ACSF3: variants seen among roughly 807,000 people sequenced by gnomAD.
The protein encoded by ACSF3 is acyl-CoA synthetase family member 3.
In ACSF3, 78 loss-of-function variants were observed where a neutral mutation model predicts 53.2. The ratio of observed to expected loss-of-function variants is 1.47; its 90% CI spans 1.22 to 1.77. The LOEUF (loss-of-function observed/expected upper bound fraction) is 1.77. Ranked by LOEUF, ACSF3 falls within the 40% of genes most tolerant of loss-of-function variation. The pLI is 0.00. For missense variants in ACSF3, 937 were observed against 771.1 expected (o/e 1.22, Z -2.55); for synonymous variants, 414 against 333.1 (o/e 1.24, Z -2.65).
At chr16:89,096,644 A>T (rs74872979) in intron 1 of ACSF3, among the ~76,000 whole-genome samples, 1 of 152,152 alleles carries the variant, frequency 6.6e-6, no homozygotes, top group Admixed American at 6.5e-5. Flanking sequence ...GTATTTCTCA[A>T]AATTAAAGAT....
intron 4 of ACSF3, 138 bp downstream of exon 4, chr16:89,102,897 C>G (rs1555561996): frequency 4.0e-6 from 5 of 1,252,828 alleles, no homozygotes; most frequent in Non-Finnish European, 5.6e-6. Flanking sequence ...CGCCCTCAGA[C>G]TAGGCATCTT....
At chr16:89,111,559 TC>T (rs2151442146) in intron 4 of ACSF3, among the ~76,000 whole-genome samples, 1 of 152,366 alleles carries the variant, frequency 6.6e-6, no homozygotes, top group South Asian at 2.1e-4. Context: ...CACCAGCTCT[TC>T]CTGAAGCTTT....
At chr16:89,151,615 T>A in intron 10 of ACSF3, 1 of 185,052 alleles carries the variant, frequency 5.4e-6, no homozygotes, top group Non-Finnish European at 1.1e-5. Flanking sequence ...CCATATATTT[T>A]TTTTTTTTTT....
chr16:89,145,072 C>G (rs11076771), intron 8 of ACSF3, 195 bp from the exon 9 acceptor site: 11 of 1,475,980 alleles, frequency 7.5e-6, no homozygotes, highest in Non-Finnish European at 1.0e-5. Flanking sequence ...GGACGCACGT[C>G]GTGACCACCA....
chr16:89,093,954 G>A lies in ACSF3; in HGVS notation c.-236G>A, dbSNP rs1974307293. The A allele has an allele frequency of 6.2e-6, 2 of 322,518 alleles. No individual in the cohort carries two copies. The highest frequency in any genetic ancestry group is 2.2e-5 in the African/African-American group (1 of 44,740). The allele number at this position is 322,518 out of a possible 1,614,324, so 20.0% of individuals were successfully genotyped here. ...GCGCGGCGGAGGACGAGGAAGAGTTGTGGCGAGGCAGATCCTGCCCCGTGG... is the reference window on the plus strand; with the variant it reads ...GCGCGGCGGAGGACGAGGAAGAGTTATGGCGAGGCAGATCCTGCCCCGTGG... On this transcript the variant is annotated 5_prime_UTR_variant, in exon 1 of 11. In the 5' UTR this introduces an upstream ATG that the reference lacks. Coordinates refer to ENST00000614302, the MANE Select transcript of ACSF3 (RefSeq NM_001243279.3).
chr16:89,148,379 C>G (rs991745727), intron 10 of ACSF3: 3 of 152,130 alleles, frequency 2.0e-5, no homozygotes, highest in Non-Finnish European at 4.4e-5. Flanking sequence ...GAATTACAGG[C>G]GTGAGCAACC....
chr16:89,114,781 CA>C (rs1418805853), intron 6 of ACSF3: 8 of 469,672 alleles, frequency 1.7e-5, no homozygotes, highest in Non-Finnish European at 2.8e-5. Context: ...ATGCAGGCGT[CA>C]GTGCATGTCT....
Position 89,093,935 on chromosome 16 carries a change from C to A in ACSF3, c.-255C>A. 3.1e-6 allele frequency: 1 copy of A among 326,948 alleles called. No individual in the cohort carries two copies. The highest frequency in any genetic ancestry group is 2.1e-5 in the South Asian group (1 of 47,478). 20.3% of individuals were successfully genotyped at this position (326,948 alleles called of 1,614,324 possible). On this transcript the variant is annotated 5_prime_UTR_variant, in exon 1 of 11. Coordinates refer to ENST00000614302, the MANE Select transcript of ACSF3 (RefSeq NM_001243279.3). ...CGGCCCGACCCCGGCGCGCGCGCGG[C>A]GGAGGACGAGGAAGAGTTGTGGCGA...
intron 8 of ACSF3, among the ~76,000 whole-genome samples, chr16:89,136,345 A>C (rs964181086): frequency 2.6e-5 from 4 of 152,196 alleles, no homozygotes; most frequent in African/African-American, 9.6e-5. Flanking sequence ...TTTCATTGTA[A>C]TGTGCTGCAA....
intron 10 of ACSF3, chr16:89,147,524 C>CGGGGGGG (rs1196214718): frequency 3.6e-4 from 1 of 2,790 alleles, no homozygotes; most frequent in Non-Finnish European, 7.0e-4. Context: ...ACAGAGTGAG[C>CGGGGGGG]GGGGGGGGGG....
chr16:89,151,381 C>T (rs1371149639), intron 10 of ACSF3: 1 of 368,096 alleles, frequency 2.7e-6, no homozygotes, highest in Non-Finnish European at 5.3e-6. Flanking sequence ...TGGGGAGGAA[C>T]ACTTCCTAAC....
Position 89,100,820 on chromosome 16 carries a change from T to G in ACSF3, c.139T>G (p.Phe47Val). The G allele has an allele frequency of 6.2e-7, 1 of 1,613,188 alleles. No homozygotes were observed. The highest frequency in any genetic ancestry group is 8.5e-7 in the Non-Finnish European group (1 of 1,180,012). ...CCGCTCGGACAGGAGCGCCCCGGTG[T>G]TCACCCGTGCCCTGGCCTTTGGGGA... Reference protein sequence around the residue: ...VARSDRSAPVFTRALAFGDRI... With the variant: ...VARSDRSAPVVTRALAFGDRI... The change falls in exon 3 of 11, where the codon TTC (phenylalanine) becomes GTC (valine). Residue 47 changes from phenylalanine to valine, a missense_variant. Physicochemically the swap from Phe to Val is conservative, Grantham distance 50 (BLOSUM62 -1). Transcript: ENST00000614302.
intron 7 of ACSF3, among the ~76,000 whole-genome samples, chr16:89,128,145 T>C (rs1908525808): frequency 6.6e-6 from 1 of 151,818 alleles, no homozygotes; most frequent in African/African-American, 2.4e-5. Context: ...CTTTAGATTA[T>C]TGATTTGAGA....
At chr16:89,107,986 T>A (rs1259111122) in intron 4 of ACSF3, among the ~76,000 whole-genome samples, 1 of 152,124 alleles carries the variant, frequency 6.6e-6, no homozygotes, top group East Asian at 1.9e-4. Flanking sequence ...GGCCTCAGAA[T>A]CATGGTGGGA....
chr16:89,114,953 C>G (rs1257910756), intron 6 of ACSF3: 2 of 276,050 alleles, frequency 7.2e-6, no homozygotes, highest in East Asian at 9.1e-5. Flanking sequence ...TGTCTTCCTT[C>G]TCTAGATGTG....
At chr16:89,129,565 C>T (rs1908860753) in intron 7 of ACSF3, among the ~76,000 whole-genome samples, 1 of 151,992 alleles carries the variant, frequency 6.6e-6, no homozygotes, top group Non-Finnish European at 1.5e-5. Context: ...TTTTTAAATC[C>T]AGCCTGACAA....
intron 8 of ACSF3, among the ~76,000 whole-genome samples, chr16:89,136,198 G>T (rs1227541872): frequency 6.6e-5 from 10 of 152,282 alleles, no homozygotes; most frequent in African/African-American, 2.2e-4. Context: ...GGGCAGCCGT[G>T]TGAGATGCGG....
intron 1 of ACSF3, among the ~76,000 whole-genome samples, chr16:89,095,013 A>G (rs1464921030): frequency 1.3e-5 from 2 of 152,272 alleles, no homozygotes; most frequent in African/African-American, 2.4e-5. Context: ...TGTCTGGGGC[A>G]TAGTTGTTGC....
chr16:89,153,901 C>T, intron 10 of ACSF3, 189 bp from the exon 11 acceptor site: 2 of 630,106 alleles, frequency 3.2e-6, no homozygotes, highest in Non-Finnish European at 5.6e-6. Flanking sequence ...CTCCTGCAGT[C>T]ACCACCCCTG....
Sources: gnomAD v4.1 joint callset for allele counts (sites outside exome capture counted in the v4.1 genomes callset) on GRCh38, gnomAD v4.1.1 for gene constraint, MANE v1.5 for transcripts, NCBI Gene and HGNC (gene_info 2026-07-23, HGNC 2026-07-21) for gene names.